The following GRIP1 variants were observed in gnomAD, a reference collection of about 807,000 sequenced individuals.
GRIP1 encodes glutamate receptor interacting protein 1.
Under a neutral mutation model 129.9 loss-of-function variants are expected in GRIP1, and 45 were observed. The observed-to-expected ratio is 0.35, with a 90% CI of 0.27 to 0.44. The LOEUF is 0.44. Among genes scored for constraint, GRIP1 ranks in the 20% least tolerant of loss-of-function variants. The pLI is 1.00. For missense variants in GRIP1, 1,196 were observed against 1,396.8 expected (o/e 0.86, Z 2.29); for synonymous variants, 530 against 520.8 (o/e 1.02, Z -0.24).
At chr12:66,808,102 G>A (rs559317173), upstream of GRIP1, among the ~76,000 whole-genome samples, 31 of 151,950 alleles carry the variant, frequency 2.0e-4, no homozygotes, top group Admixed American at 3.9e-4. Flanking sequence ...CACTCTTTGC[G>A]TAGAGAGAAT....
chr12:66,502,240 C>T (rs548089991), intron 7 of GRIP1, among the ~76,000 whole-genome samples: 13 of 152,060 alleles, frequency 8.5e-5, no homozygotes, highest in Non-Finnish European at 1.9e-4. Context: ...TTAAAAAACC[C>T]TTCTGATTCT....
chr12:66,377,947 T>C (rs1394454653), intron 20 of GRIP1, among the ~76,000 whole-genome samples: 1 of 132,048 alleles, frequency 7.6e-6, no homozygotes, highest in Non-Finnish European at 1.7e-5. Context: ...AATCAAATTT[T>C]TCTCTAAGAG....
At chr12:66,573,480 T>C (rs1220995903) in intron 2 of GRIP1, among the ~76,000 whole-genome samples, 1 of 152,200 alleles carries the variant, frequency 6.6e-6, no homozygotes, top group Non-Finnish European at 1.5e-5. Context: ...GCTTTATGTG[T>C]ATTAACTCGT....
chr12:66,504,534 G>T (rs1237224577), intron 7 of GRIP1, among the ~76,000 whole-genome samples: 1 of 152,114 alleles, frequency 6.6e-6, no homozygotes, highest in African/African-American at 2.4e-5. Flanking sequence ...TCAGGTAGAT[G>T]GTGTAGGTAA....
In GRIP1 at chr12:66,814,792, C is replaced by T. The variant is rs569789623; in HGVS notation, c.59-217865G>A. On this transcript the variant is annotated intron_variant, in intron 1 of 1. Coordinates refer to the GRIP1 transcript ENST00000643019. The stretch of plus-strand genomic sequence containing the variant: ...AGGTTTAATTGACTCAGTTCTGCAT[C>T]GCTGAGGAGGCCTCAGGAAACTTTC... Among the ~76,000 whole-genome samples the T allele has an allele frequency of 5.3e-5, 8 of 151,662 alleles. No individual in the cohort carries two copies. The South Asian group carries it at 8.4e-4, about 16-fold the overall frequency.
chr12:66,828,599 A>G (rs904789362), intron 1 of GRIP1, among the ~76,000 whole-genome samples: 2 of 152,344 alleles, frequency 1.3e-5, no homozygotes, highest in African/African-American at 2.4e-5. Flanking sequence ...AATGGAATCA[A>G]GTACGATTTA....
At chr12:66,470,100 T>C (rs926757302) in intron 7 of GRIP1, among the ~76,000 whole-genome samples, 2 of 152,174 alleles carry the variant, frequency 1.3e-5, no homozygotes, top group African/African-American at 4.8e-5. Context: ...CATCATCTGA[T>C]TTCCCCACAT....
At chr12:66,426,857 C>T (rs1194529344) in intron 14 of GRIP1, among the ~76,000 whole-genome samples, 2 of 152,124 alleles carry the variant, frequency 1.3e-5, no homozygotes, top group African/African-American at 4.8e-5. Flanking sequence ...GGCTCTCAGT[C>T]TCAACATTCA....
At chr12:66,974,252 G>A (rs1381029406) in intron 1 of GRIP1, among the ~76,000 whole-genome samples, 1 of 151,970 alleles carries the variant, frequency 6.6e-6, no homozygotes, top group East Asian at 1.9e-4. Context: ...TACCTTCTCT[G>A]TGAAATGATC....
chr12:66,820,254 C>G (rs939471790), intron 1 of GRIP1, among the ~76,000 whole-genome samples: 1 of 152,148 alleles, frequency 6.6e-6, no homozygotes. Flanking sequence ...TGAAAAGATG[C>G]TCCAAGTCAT....
intron 1 of GRIP1, among the ~76,000 whole-genome samples, chr12:66,905,063 T>C (rs2040909189): frequency 6.6e-6 from 1 of 152,232 alleles, no homozygotes; most frequent in African/African-American, 2.4e-5. Context: ...TCTATGCATG[T>C]TGACTCTGTA....
intron 1 of GRIP1, among the ~76,000 whole-genome samples, chr12:67,022,750 G>A (rs1332253117): frequency 2.0e-5 from 3 of 152,062 alleles, no homozygotes; most frequent in South Asian, 4.1e-4. Context: ...AAAGGCGCAG[G>A]TTTGTTACAT....
upstream of GRIP1, chr12:67,069,308 G>GGGCGGCGGCGGCGGC (rs71088240): frequency 1.4e-5 from 2 of 140,872 alleles, no homozygotes; most frequent in East Asian, 2.3e-4. Flanking sequence ...CGGCGGCTCC[G>GGGCGGCGGCGGCGGC]GGCGGCGGCG....
At chr12:66,987,124 G>A (rs983835315) in intron 1 of GRIP1, among the ~76,000 whole-genome samples, 30 of 152,176 alleles carry the variant, frequency 2.0e-4, no homozygotes, top group Non-Finnish European at 3.5e-4. Context: ...TTCTAGGAAA[G>A]GGTGAGGAAT....
chr12:66,547,669 C>T (rs61926060), intron 2 of GRIP1, among the ~76,000 whole-genome samples: 4 of 152,136 alleles, frequency 2.6e-5, no homozygotes, highest in African/African-American at 9.7e-5. Flanking sequence ...AAAAAGTCAA[C>T]CCCAAAGATT....
intron 1 of GRIP1, among the ~76,000 whole-genome samples, chr12:67,029,297 A>G: frequency 6.6e-6 from 1 of 152,074 alleles, no homozygotes; most frequent in South Asian, 2.1e-4. Flanking sequence ...GTTGTTATGT[A>G]GAGATGAGGT....
At chr12:66,389,314 C>T (rs768075028) in intron 19 of GRIP1, among the ~76,000 whole-genome samples, 18 of 152,058 alleles carry the variant, frequency 1.2e-4, no homozygotes, top group Non-Finnish European at 2.4e-4. Flanking sequence ...CTGCAATCTC[C>T]GCCTCCTGGT....
intron 1 of GRIP1, among the ~76,000 whole-genome samples, chr12:66,613,776 G>C (rs758343125): frequency 2.0e-5 from 3 of 152,116 alleles, no homozygotes; most frequent in Non-Finnish European, 4.4e-5. Flanking sequence ...ATCACTATTA[G>C]GGTGCAGTCA....
chr12:66,470,680 G>T (rs769658912), intron 7 of GRIP1, among the ~76,000 whole-genome samples: 13 of 152,180 alleles, frequency 8.5e-5, no homozygotes, highest in Non-Finnish European at 1.3e-4. Flanking sequence ...GGTAGAGTAT[G>T]CTGTTTAAGT....
Sources: allele counts gnomAD v4.1 joint callset (sites outside exome capture counted in the v4.1 genomes callset), GRCh38; gene constraint gnomAD v4.1.1; transcripts MANE v1.5; gene names NCBI Gene and HGNC (gene_info 2026-07-23, HGNC 2026-07-21).